The following ROBO2 variants were observed in gnomAD, a reference collection of about 807,000 sequenced individuals.
The protein encoded by ROBO2 is roundabout homolog 2.
In ROBO2, 53 loss-of-function variants were observed where a neutral mutation model predicts 160.8. The observed-to-expected ratio is 0.33, with a 90% CI of 0.26 to 0.41. The LOEUF (loss-of-function observed/expected upper bound fraction) is 0.41. Ranked by LOEUF, ROBO2 falls within the 10% of genes least tolerant of loss-of-function variation. The probability of loss-of-function intolerance (pLI) is 1.00; values close to 1 mark genes in which losing one functional copy is unlikely to be tolerated. For missense variants in ROBO2, 1,577 were observed against 1,722.4 expected (o/e 0.92, Z 1.49); for synonymous variants, 664 against 611.7 (o/e 1.09, Z -1.26).
At chr3:76,388,203 A>T (rs946755213) in intron 2 of ROBO2, among the ~76,000 whole-genome samples, 2 of 152,146 alleles carry the variant, frequency 1.3e-5, no homozygotes, top group African/African-American at 4.8e-5. Flanking sequence ...GTGTAAAGGA[A>T]AATACTTGTT....
At chr3:76,643,766 G>GT (rs1434881670) in intron 2 of ROBO2, among the ~76,000 whole-genome samples, 2 of 151,576 alleles carry the variant, frequency 1.3e-5, no homozygotes, top group African/African-American at 4.8e-5. Context: ...CCATTTAATG[G>GT]TTTAAAAAAA....
intron 2 of ROBO2, among the ~76,000 whole-genome samples, chr3:76,554,373 T>C: frequency 6.6e-6 from 1 of 152,188 alleles, no homozygotes. Context: ...ACTTTTTCTT[T>C]TTGGGCTTTT....
At position 76,675,360 on chromosome 3, in the gene ROBO2, C is replaced by T. The variant is rs554362023; in HGVS notation, c.110-422654C>T. ...GAGAGTACTCGAAGCAATTTACATACTGCAGAAAAAATCTTACATTTCTCT... is the reference window on the plus strand; with the variant it reads ...GAGAGTACTCGAAGCAATTTACATATTGCAGAAAAAATCTTACATTTCTCT... On this transcript the variant is annotated intron_variant, in intron 2 of 26. Coordinates refer to the ROBO2 transcript ENST00000487694. 5.3e-5 allele frequency among the ~76,000 whole-genome samples: 8 copies of T among 152,296 alleles called. No individual in the cohort carries two copies. The East Asian group carries it at 1.5e-3, about 29-fold the overall frequency.
chr3:77,172,989 T>A (rs2079785987), intron 2 of ROBO2, among the ~76,000 whole-genome samples: 1 of 152,152 alleles, frequency 6.6e-6, no homozygotes, highest in African/African-American at 2.4e-5. Context: ...AAATTAGCCA[T>A]TAATCAGAAG....
Position 76,486,304 on chromosome 3 carries a change from C to T in ROBO2, c.109+548702C>T, listed in dbSNP as rs536313749. Among the ~76,000 whole-genome samples, 6 of 152,112 alleles carry T rather than the reference C, an allele frequency of 3.9e-5. No homozygotes were observed. The South Asian group carries it at 1.0e-3, about 26-fold the overall frequency. The stretch of plus-strand genomic sequence containing the variant: ...AGACTTGAGCTCTTATGCAGAGAGC[C>T]CTTAGAGTGATTCTATACGATTAAC... On this transcript the variant is annotated intron_variant, in intron 2 of 26. Coordinates refer to the ROBO2 transcript ENST00000487694.
At chr3:76,394,617 A>G (rs2077330306) in intron 2 of ROBO2, among the ~76,000 whole-genome samples, 1 of 152,126 alleles carries the variant, frequency 6.6e-6, no homozygotes, top group African/African-American at 2.4e-5. Flanking sequence ...GCTCTTCTCG[A>G]GGAGTATCTT....
chr3:76,326,142 T>G (rs181651059), intron 2 of ROBO2, among the ~76,000 whole-genome samples: 49 of 152,290 alleles, frequency 3.2e-4, no homozygotes, highest in Admixed American at 1.2e-3. Context: ...GTTTACCAGT[T>G]TGAGTAATTA....
At chr3:76,086,283 G>C (rs993331231) in intron 2 of ROBO2, among the ~76,000 whole-genome samples, 6 of 152,112 alleles carry the variant, frequency 3.9e-5, no homozygotes, top group African/African-American at 1.4e-4. Flanking sequence ...CAGATCTCAG[G>C]AGAATTCGCC....
intron 2 of ROBO2, among the ~76,000 whole-genome samples, chr3:76,753,654 C>T (rs922461279): frequency 5.9e-5 from 9 of 151,802 alleles, no homozygotes; most frequent in Non-Finnish European, 1.3e-4. Flanking sequence ...TGGCAGGTCA[C>T]ATACTGAAAA....
At chr3:76,966,560 C>A (rs78061914) in intron 2 of ROBO2, among the ~76,000 whole-genome samples, 9 of 152,088 alleles carry the variant, frequency 5.9e-5, no homozygotes, top group Non-Finnish European at 1.0e-4. Flanking sequence ...AGAATATGAA[C>A]GAATGTATAA....
At chr3:76,079,401 A>G (rs762973924) in intron 2 of ROBO2, among the ~76,000 whole-genome samples, 3 of 152,046 alleles carry the variant, frequency 2.0e-5, no homozygotes, top group Non-Finnish European at 4.4e-5. Flanking sequence ...TCAAAATATC[A>G]CATGTATTCC....
At chr3:76,249,128 A>T (rs1367018803) in intron 2 of ROBO2, among the ~76,000 whole-genome samples, 1 of 152,112 alleles carries the variant, frequency 6.6e-6, no homozygotes, top group Non-Finnish European at 1.5e-5. Context: ...GTTAATAATT[A>T]TACTTGAATT....
At chr3:76,409,464 C>T (rs150794952) in intron 2 of ROBO2, among the ~76,000 whole-genome samples, 4 of 152,158 alleles carry the variant, frequency 2.6e-5, no homozygotes, top group African/African-American at 9.6e-5. Context: ...TTTTCCTTAT[C>T]AGTTAACATA....
intron 2 of ROBO2, among the ~76,000 whole-genome samples, chr3:76,710,268 G>T (rs1174238273): frequency 6.6e-6 from 1 of 151,914 alleles, no homozygotes. Context: ...CTAGAGGTCC[G>T]CACCACCCTG....
In ROBO2 at chr3:76,534,452, A is replaced by T. The variant is rs146796440; in HGVS notation, c.110-563562A>T. On this transcript the variant is annotated intron_variant, in intron 2 of 26. Transcript: ENST00000487694. ...AGGATTCCCTGTTGTTAAGCCAGTG[A>T]TCTATTATATTACCCATTTACCATA... Among the ~76,000 whole-genome samples the T allele has an allele frequency of 9.5e-3, 1,453 of 152,224 alleles. 26 individuals carry two copies. Among genetic ancestry groups the T allele is most frequent in the African/African-American group, 0.033 (1,383 of 41,516 alleles).
intron 2 of ROBO2, among the ~76,000 whole-genome samples, chr3:77,288,809 T>C (rs915884304): frequency 4.6e-5 from 7 of 152,152 alleles, no homozygotes; most frequent in African/African-American, 1.7e-4. Context: ...TGATTATACC[T>C]GGGTCCAGAA....
At chr3:76,453,157 T>C (rs1430562272) in intron 2 of ROBO2, among the ~76,000 whole-genome samples, 1 of 152,230 alleles carries the variant, frequency 6.6e-6, no homozygotes, top group African/African-American at 2.4e-5. Context: ...TTTCTTTTGC[T>C]GTGCAGAAGC....
intron 2 of ROBO2, among the ~76,000 whole-genome samples, chr3:76,694,563 T>C (rs1346631438): frequency 6.6e-6 from 1 of 152,178 alleles, no homozygotes; most frequent in Admixed American, 6.5e-5. Flanking sequence ...ATAATGTTTT[T>C]TTTCAAGAAC....
chr3:77,271,713 G>A (rs1235843965), intron 2 of ROBO2, among the ~76,000 whole-genome samples: 1 of 152,240 alleles, frequency 6.6e-6, no homozygotes, highest in Non-Finnish European at 1.5e-5. Context: ...GTACCCTGGT[G>A]TTTGTTGGTT....
Sources: gnomAD v4.1 joint callset for allele counts (sites outside exome capture counted in the v4.1 genomes callset) on GRCh38, gnomAD v4.1.1 for gene constraint, MANE v1.5 for transcripts, NCBI Gene and HGNC (gene_info 2026-07-23, HGNC 2026-07-21) for gene names.